Variants in MYO3B observed in about 807,000 individuals in gnomAD.
MYO3B encodes the protein myosin IIIB.
In MYO3B, 156 loss-of-function variants were observed where a neutral mutation model predicts 174.6. That is an observed-to-expected ratio of 0.89 (90% CI 0.78 to 1.02). The LOEUF is 1.02. Among genes scored for constraint, MYO3B ranks in the 50% least tolerant of loss-of-function variants. The pLI is 0.00. For missense variants in MYO3B, 1,632 were observed against 1,639.4 expected, an observed-to-expected ratio of 1.00 and a Z score of 0.08; for synonymous variants, 563 against 569.1, an observed-to-expected ratio of 0.99 and a Z score of 0.15.
At chr2:170,504,928 C>G (rs1182266037) in intron 28 of MYO3B, among the ~76,000 whole-genome samples, 1 of 152,138 alleles carries the variant, frequency 6.6e-6, no homozygotes, top group Admixed American at 6.5e-5. Context: ...TTGGAAACCT[C>G]TCCCCCAACT....
chr2:170,188,772 C>T (rs1347943628), intron 1 of MYO3B, among the ~76,000 whole-genome samples: 1 of 152,050 alleles, frequency 6.6e-6, no homozygotes, highest in Admixed American at 6.6e-5. Context: ...CTTCATCTCC[C>T]TGCTTTTTTG....
rs183335096 is a variant in MYO3B at position 170,285,260 on chromosome 2, G to A, written c.749+49124G>A. On this transcript the variant is annotated intron_variant, in intron 7 of 34. Transcript: ENST00000408978. Reference sequence around the variant, plus strand: ...CAGCTTAATCAGATATTAACAACTCGCATTCCAAAGGGTTTTTTTTGTCTT... The same window carrying A: ...CAGCTTAATCAGATATTAACAACTCACATTCCAAAGGGTTTTTTTTGTCTT... 8.2e-4 allele frequency among the ~76,000 whole-genome samples: 125 copies of A among 152,120 alleles called. 1 individual carries two copies. Among genetic ancestry groups the A allele is most frequent in the Non-Finnish European group, 1.4e-3 (95 of 67,978 alleles).
At chr2:170,368,930 G>C (rs1368675181) in intron 8 of MYO3B, among the ~76,000 whole-genome samples, 1 of 151,970 alleles carries the variant, frequency 6.6e-6, no homozygotes, top group Non-Finnish European at 1.5e-5. Flanking sequence ...AGAAAATTGA[G>C]CAGTCTATAT....
At chr2:170,378,944 CA>C in intron 9 of MYO3B, among the ~76,000 whole-genome samples, 1 of 152,306 alleles carries the variant, frequency 6.6e-6, no homozygotes, top group East Asian at 1.9e-4. Flanking sequence ...CTGCCTGTTA[CA>C]ATTTACTTCT....
intron 32 of MYO3B, among the ~76,000 whole-genome samples, chr2:170,628,495 T>C (rs1208072296): frequency 6.6e-6 from 1 of 152,220 alleles, no homozygotes; most frequent in African/African-American, 2.4e-5. Flanking sequence ...TTGTGCTTCC[T>C]GGATGAGGCA....
chr2:170,449,517 C>G (rs565602703), intron 23 of MYO3B, among the ~76,000 whole-genome samples: 2 of 152,100 alleles, frequency 1.3e-5, no homozygotes, highest in Admixed American at 6.6e-5. Context: ...GTGGCTCATG[C>G]CTGTAATCCC....
At chr2:170,335,543 G>A in intron 8 of MYO3B, 93 bp downstream of exon 8, 3 of 951,642 alleles carry the variant, frequency 3.2e-6, no homozygotes, top group Non-Finnish European at 1.6e-6. Flanking sequence ...TGACACTAGA[G>A]GTTGTTATGC....
intron 29 of MYO3B, among the ~76,000 whole-genome samples, chr2:170,518,571 A>T (rs1688465528): frequency 6.6e-6 from 1 of 152,162 alleles, no homozygotes; most frequent in African/African-American, 2.4e-5. Context: ...AGGCATGTTT[A>T]AAATCTTCCT....
rs866817825 is a variant in MYO3B at position 170,234,183 on chromosome 2, A to C, written c.604-1808A>C. 5.5e-3 allele frequency among the ~76,000 whole-genome samples: 504 copies of C among 91,596 alleles called. 12 individuals are homozygous for C. Among genetic ancestry groups the C allele is most frequent in the African/African-American group, 0.03 (447 of 14,834 alleles). 60.1% of individuals were successfully genotyped at this position (91,596 alleles called of 152,430 possible). ...GAGACTCCGTCTCAAAAAAAAAAAA[A>C]AAAACAAAACAAAACAAAAAAAAAA... On this transcript the variant is annotated intron_variant, in intron 6 of 34. Coordinates refer to ENST00000408978, the MANE Select transcript of MYO3B (RefSeq NM_138995.5).
At chr2:170,214,886 T>G in intron 5 of MYO3B, 58 bp downstream of exon 5, 2 of 1,287,480 alleles carry the variant, frequency 1.6e-6, no homozygotes, top group Admixed American at 1.7e-5. Context: ...AAGGGGACAA[T>G]TTATTGCAAT....
chr2:170,597,264 A>G (rs558993580), intron 32 of MYO3B, among the ~76,000 whole-genome samples: 4 of 151,596 alleles, frequency 2.6e-5, no homozygotes, highest in Non-Finnish European at 5.9e-5. Flanking sequence ...CCAGCTACTC[A>G]GGAGGCTGAA....
intron 32 of MYO3B, among the ~76,000 whole-genome samples, chr2:170,565,651 G>A (rs1166319004): frequency 1.3e-5 from 2 of 152,178 alleles, no homozygotes; most frequent in East Asian, 3.9e-4. Context: ...TAGAACAGTG[G>A]GGGACTATAA....
chr2:170,640,391 T>C (rs1386800614), intron 32 of MYO3B: 3 of 152,174 alleles, frequency 2.0e-5, no homozygotes, highest in Non-Finnish European at 4.4e-5. Flanking sequence ...ACTACAACCC[T>C]ACAAGGAAGG....
chr2:170,461,771 C>T (rs1347350381), intron 23 of MYO3B, among the ~76,000 whole-genome samples: 5 of 43,658 alleles, frequency 1.1e-4, no homozygotes, highest in African/African-American at 1.7e-4. Flanking sequence ...AGTGAAACTC[C>T]GTTTAAAAAA....
chr2:170,358,144 C>T (rs1193214680), intron 8 of MYO3B, among the ~76,000 whole-genome samples: 2 of 147,414 alleles, frequency 1.4e-5, no homozygotes, highest in African/African-American at 2.5e-5. Context: ...GAGAGTGAAA[C>T]TCCTTCTCAA....
intron 32 of MYO3B, among the ~76,000 whole-genome samples, chr2:170,619,764 T>G (rs1695748410): frequency 7.1e-6 from 1 of 139,972 alleles, no homozygotes; most frequent in South Asian, 2.4e-4. Context: ...TTTTTTTTTT[T>G]GAGACAGAGT....
chr2:170,569,134 A>G (rs574906260), intron 32 of MYO3B, among the ~76,000 whole-genome samples: 32 of 152,316 alleles, frequency 2.1e-4, no homozygotes, highest in Middle Eastern at 3.4e-3. Context: ...TTTATTAACC[A>G]TCATGACTAC....
intron 23 of MYO3B, among the ~76,000 whole-genome samples, chr2:170,446,029 A>G (rs1482962884): frequency 6.6e-6 from 1 of 152,216 alleles, no homozygotes; most frequent in African/African-American, 2.4e-5. Flanking sequence ...TGGTACTTAA[A>G]CAGACCTCAA....
At chr2:170,416,002 C>T (rs2094576227) in intron 22 of MYO3B, among the ~76,000 whole-genome samples, 1 of 152,090 alleles carries the variant, frequency 6.6e-6, no homozygotes, top group African/African-American at 2.4e-5. Flanking sequence ...AGGGTATTTG[C>T]AGAGATAGTC....
Sources: allele counts gnomAD v4.1 joint callset (sites outside exome capture counted in the v4.1 genomes callset), GRCh38; gene constraint gnomAD v4.1.1; transcripts MANE v1.5; gene names NCBI Gene and HGNC (gene_info 2026-07-23, HGNC 2026-07-21).